Variants in FLYWCH1 observed in about 807,000 individuals in gnomAD.
FLYWCH1 encodes FLYWCH-type zinc finger 1.
Under a neutral mutation model 66.4 loss-of-function variants are expected in FLYWCH1, and 75 were observed. The observed-to-expected ratio is 1.13, with a 90% CI of 0.94 to 1.37. The LOEUF is 1.37. Among genes scored for constraint, FLYWCH1 ranks in the 40% most tolerant of loss-of-function variants. The pLI, the probability that FLYWCH1 is intolerant of heterozygous loss-of-function variation, is 0.00. For missense variants in FLYWCH1, 1,334 were observed against 1,001.8 expected (o/e 1.33, Z -4.48); for synonymous variants, 595 against 429.9 (o/e 1.38, Z -4.75).
intron 6 of FLYWCH1, chr16:2,934,790 T>C (rs1042939390): frequency 2.6e-6 from 1 of 379,118 alleles, no homozygotes; most frequent in Non-Finnish European, 5.3e-6. Flanking sequence ...CCCCCGCTCC[T>C]GACCCCACAA....
At chr16:2,931,676 G>A (rs2070765806) in intron 4 of FLYWCH1, among the ~76,000 whole-genome samples, 1 of 151,930 alleles carries the variant, frequency 6.6e-6, no homozygotes, top group African/African-American at 2.4e-5. Context: ...TTAAGTTCAG[G>A]AAAGACACCT....
At chr16:2,941,730 AAG>A (rs1491077935) in intron 9 of FLYWCH1, among the ~76,000 whole-genome samples, 3 of 151,832 alleles carry the variant, frequency 2.0e-5, no homozygotes, top group East Asian at 3.9e-4. Flanking sequence ...CTAAAAAAAA[AAG>A]AACTAAAAGT....
At position 2,922,992 on chromosome 16, in the gene FLYWCH1, C is replaced by T. The variant is rs147893333; in HGVS notation, c.-73-6621C>T. 6.2e-5 allele frequency: 31 copies of T among 502,224 alleles called. 1 individual carries two copies. The Middle Eastern group carries it at 3.7e-3, about 60-fold the overall frequency. 31.1% of individuals were successfully genotyped at this position (502,224 alleles called of 1,614,324 possible). A position where few individuals can be genotyped will look rare whatever the true frequency, so the allele number is the denominator to read the frequency against. On this transcript the variant is annotated intron_variant, in intron 2 of 9. Coordinates refer to ENST00000253928, the MANE Select transcript of FLYWCH1 (RefSeq NM_001308068.2). ...CGCAGTGTCTTGGGCTGCCAGAAGGCGGGTGACGCGCGGATCTTTTTTTGG... is the reference window on the plus strand; with the variant it reads ...CGCAGTGTCTTGGGCTGCCAGAAGGTGGGTGACGCGCGGATCTTTTTTTGG...
At chr16:2,935,933 C>G (rs1454150529) in intron 6 of FLYWCH1, 1 of 148,696 alleles carries the variant, frequency 6.7e-6, no homozygotes, top group Non-Finnish European at 1.5e-5. Context: ...TTTTTTGAGA[C>G]AGTTTCACTC....
chr16:2,913,929 C>G (rs922124435), intron 1 of FLYWCH1, among the ~76,000 whole-genome samples: 1 of 152,068 alleles, frequency 6.6e-6, no homozygotes, highest in African/African-American at 2.4e-5. Context: ...AGGCTGGTCT[C>G]GAACTCCTGG....
chr16:2,941,895 C>CCTGT (rs2071276501), intron 9 of FLYWCH1, among the ~76,000 whole-genome samples: 1 of 147,548 alleles, frequency 6.8e-6, no homozygotes, highest in Non-Finnish European at 1.5e-5. Context: ...GTGGTGGGAG[C>CCTGT]CTGTAGCAGG....
At chr16:2,924,736 G>A (rs1370805234) in intron 2 of FLYWCH1, among the ~76,000 whole-genome samples, 2 of 152,220 alleles carry the variant, frequency 1.3e-5, no homozygotes, top group African/African-American at 4.8e-5. Context: ...GACTTTAACG[G>A]GCGGAGTGGC....
intron 9 of FLYWCH1, among the ~76,000 whole-genome samples, chr16:2,944,115 G>C (rs370269332): frequency 6.6e-6 from 1 of 151,972 alleles, no homozygotes; most frequent in African/African-American, 2.4e-5. Context: ...AGTAGAGCAC[G>C]ACAGCTCCCA....
rs59808547 is a variant in FLYWCH1 at position 2,934,860 on chromosome 16, C to T, written c.1513+881C>T. 1,123 of 289,586 alleles carry T rather than the reference C, an allele frequency of 3.9e-3. 10 individuals are homozygous for T. Among genetic ancestry groups the T allele is most frequent in the African/African-American group, 0.023 (1,027 of 44,334 alleles). The allele number at this position is 289,586 out of a possible 1,614,324, so 17.9% of individuals were successfully genotyped here. On this transcript the variant is annotated intron_variant, in intron 6 of 9. Transcript: ENST00000253928. The stretch of plus-strand genomic sequence containing the variant: ...CCCTATTTCCTAAAATGTGCCTCCA[C>T]TACTATTAATTGGTTTTTCCATTTC...
intron 9 of FLYWCH1, among the ~76,000 whole-genome samples, chr16:2,945,399 T>C (rs111518994): frequency 4.0e-5 from 6 of 150,648 alleles, no homozygotes; most frequent in East Asian, 2.0e-4. Flanking sequence ...GGTAGGAGAA[T>C]TGCTTGAACC....
chr16:2,940,557 C>G (rs2071218522), intron 9 of FLYWCH1, among the ~76,000 whole-genome samples: 3 of 152,104 alleles, frequency 2.0e-5, no homozygotes, highest in African/African-American at 7.2e-5. Flanking sequence ...TGTCTCAGCC[C>G]CCTGAGTAGC....
intron 9 of FLYWCH1, 125 bp from the exon 10 acceptor site, chr16:2,948,562 CA>C: frequency 2.0e-6 from 2 of 1,009,744 alleles, no homozygotes; most frequent in Non-Finnish European, 1.5e-6. Context: ...GATTCCGTCT[CA>C]AAAATAAATG....
At chr16:2,947,484 G>A (rs894978290) in intron 9 of FLYWCH1, among the ~76,000 whole-genome samples, 1 of 152,226 alleles carries the variant, frequency 6.6e-6, no homozygotes, top group African/African-American at 2.4e-5. Context: ...ATCCCAGCCA[G>A]GTACAGTGGC....
rs550314714 is a variant in FLYWCH1 at position 2,921,087 on chromosome 16, C to T, written c.-74+6798C>T. Among the ~76,000 whole-genome samples the T allele has an allele frequency of 2.4e-4, 37 of 152,138 alleles. 1 individual carries two copies. The highest frequency in any genetic ancestry group is 2.2e-3 in the Admixed American group (33 of 15,280). On this transcript the variant is annotated intron_variant, in intron 2 of 9. Coordinates refer to ENST00000253928, the MANE Select transcript of FLYWCH1 (RefSeq NM_001308068.2). ...CGATCTGCTGACCCCGTGATCTGCC[C>T]GCCTCGGCCTCCCAAAGTGCTGGGA...
At chr16:2,943,990 G>A (rs180671733) in intron 9 of FLYWCH1, among the ~76,000 whole-genome samples, 22 of 152,192 alleles carry the variant, frequency 1.4e-4, no homozygotes, top group African/African-American at 5.1e-4. Flanking sequence ...CAGCTACTTC[G>A]GAGGCTGAGA....
rs746553319 is a variant in FLYWCH1 at position 2,936,376 on chromosome 16, C to T, written c.1514-745C>T. 11 of 456,476 alleles carry T rather than the reference C, an allele frequency of 2.4e-5. No homozygotes were observed. In the East Asian group the frequency reaches 7.6e-4, roughly 32 times the overall value. The allele number at this position is 456,476 out of a possible 1,614,324, so 28.3% of individuals were successfully genotyped here. On this transcript the variant is annotated intron_variant, in intron 6 of 9. Transcript: ENST00000253928. Reference sequence around the variant, plus strand: ...CCTCAGGGTCCTCCTGCCTCCCGAGCCTCCCTGCTCCACATGGCCCCTGCC... The same window carrying T: ...CCTCAGGGTCCTCCTGCCTCCCGAGTCTCCCTGCTCCACATGGCCCCTGCC...
intron 4 of FLYWCH1, among the ~76,000 whole-genome samples, chr16:2,931,897 A>T (rs2070773087): frequency 6.6e-6 from 1 of 152,092 alleles, no homozygotes; most frequent in African/African-American, 2.4e-5. Context: ...GCGGATCACG[A>T]GGTCAGGAGA....
intron 5 of FLYWCH1, 52 bp from the exon 6 acceptor site, chr16:2,933,664 A>C: frequency 1.3e-6 from 2 of 1,573,088 alleles, no homozygotes; most frequent in Non-Finnish European, 1.7e-6. Context: ...GGGTGCGATC[A>C]GGCCTACCCA....
At chr16:2,945,818 A>G (rs2151025049) in intron 9 of FLYWCH1, among the ~76,000 whole-genome samples, 1 of 152,116 alleles carries the variant, frequency 6.6e-6, no homozygotes, top group South Asian at 2.1e-4. Flanking sequence ...TAACATGGTG[A>G]AATCCCATCT....
Sources: allele counts gnomAD v4.1 joint callset (sites outside exome capture counted in the v4.1 genomes callset), GRCh38; gene constraint gnomAD v4.1.1; transcripts MANE v1.5; gene names NCBI Gene and HGNC (gene_info 2026-07-23, HGNC 2026-07-21).